GALNT2: variants seen among roughly 807,000 people sequenced by gnomAD.
The protein encoded by GALNT2 is polypeptide N-acetylgalactosaminyltransferase 2.
Under a neutral mutation model 81.4 loss-of-function variants are expected in GALNT2, and 31 were observed. The observed-to-expected ratio is 0.38, with a 90% CI of 0.29 to 0.51. GALNT2 has a LOEUF of 0.51. GALNT2 is among the 20% of genes least tolerant of loss of function. The pLI is 0.87. For synonymous variants in GALNT2, 303 were observed against 287.4 expected (o/e 1.05, Z -0.55); for missense variants, 629 against 765.7 (o/e 0.82, Z 2.11).
intron 3 of GALNT2, among the ~76,000 whole-genome samples, chr1:230,226,633 C>T (rs751528420): frequency 2.8e-4 from 42 of 152,168 alleles, no homozygotes; most frequent in Non-Finnish European, 4.9e-4. Flanking sequence ...CGAACACATG[C>T]GGAGGCAGGT....
At chr1:230,121,969 A>C (rs6676270) in intron 1 of GALNT2, among the ~76,000 whole-genome samples, 3 of 58,456 alleles carry the variant, frequency 5.1e-5, no homozygotes, top group Non-Finnish European at 1.1e-4. Context: ...TTTTTTTTTC[A>C]AGGGACAGGG....
At chr1:230,108,918 T>G (rs1053459268) in intron 1 of GALNT2, among the ~76,000 whole-genome samples, 2 of 145,788 alleles carry the variant, frequency 1.4e-5, no homozygotes, top group Non-Finnish European at 3.0e-5. Context: ...GGCATATTGC[T>G]TTCGCACCAT....
intron 1 of GALNT2, among the ~76,000 whole-genome samples, chr1:230,114,522 G>A (rs745575686): frequency 2.6e-5 from 4 of 152,218 alleles, no homozygotes; most frequent in Non-Finnish European, 5.9e-5. Flanking sequence ...TCAGCGAGAG[G>A]AGGGGCTTGG....
At chr1:230,220,764 C>G (rs1664522588) in intron 3 of GALNT2, among the ~76,000 whole-genome samples, 1 of 152,140 alleles carries the variant, frequency 6.6e-6, no homozygotes. Flanking sequence ...CAGACCCGCC[C>G]TAAGGAAATC....
At position 230,280,220 on chromosome 1, in the gene GALNT2, C is replaced by T; in HGVS notation, c.*762C>T. ...CAGAGGGAGGAGGTGGCCTTTGTCC[C>T]CTGGAGCCCGATCAGCCAGTTGGTG... On this transcript the variant is annotated 3_prime_UTR_variant, in exon 16 of 16. Coordinates refer to ENST00000366672, the MANE Select transcript of GALNT2 (RefSeq NM_004481.5). The T allele has an allele frequency of 5.7e-6, 2 of 348,958 alleles. No individual in the cohort carries two copies. Among genetic ancestry groups the T allele is most frequent in the Non-Finnish European group, 1.1e-5 (2 of 177,052 alleles). The allele number at this position is 348,958 out of a possible 1,614,324, so 21.6% of individuals were successfully genotyped here.
At chr1:230,121,296 G>C (rs976691459) in intron 1 of GALNT2, among the ~76,000 whole-genome samples, 2 of 152,238 alleles carry the variant, frequency 1.3e-5, no homozygotes, top group Non-Finnish European at 2.9e-5. Context: ...CCACACCTGA[G>C]GAGGCGCTGT....
intron 1 of GALNT2, among the ~76,000 whole-genome samples, chr1:230,156,919 A>G (rs1043183064): frequency 1.3e-5 from 2 of 152,246 alleles, no homozygotes; most frequent in Non-Finnish European, 2.9e-5. Flanking sequence ...CTTTGGTTCT[A>G]TCATTAGAGA....
chr1:230,102,116 A>G lies in GALNT2; in HGVS notation c.126+34710A>G, dbSNP rs193034513. Reference sequence around the variant, plus strand: ...CTAATTTTAGGTGCTAGTAAGTTTTAAGGGCATGCAAAGCTCAAAACTTTG... The same window carrying G: ...CTAATTTTAGGTGCTAGTAAGTTTTGAGGGCATGCAAAGCTCAAAACTTTG... On this transcript the variant is annotated intron_variant, in intron 1 of 15. Coordinates refer to ENST00000366672, the MANE Select transcript of GALNT2 (RefSeq NM_004481.5). Among the ~76,000 whole-genome samples, 239 of 152,282 alleles carry G rather than the reference A, an allele frequency of 1.6e-3. 1 individual carries two copies. The highest frequency in any genetic ancestry group is 5.4e-3 in the African/African-American group (225 of 41,584).
intron 1 of GALNT2, among the ~76,000 whole-genome samples, chr1:230,075,378 C>T (rs1659511914): frequency 6.6e-6 from 1 of 152,116 alleles, no homozygotes; most frequent in Non-Finnish European, 1.5e-5. Context: ...ACCTCGGCCT[C>T]CCAAAGTGCT....
intron 1 of GALNT2, among the ~76,000 whole-genome samples, chr1:230,085,502 A>G (rs1294692689): frequency 6.6e-6 from 1 of 152,200 alleles, no homozygotes; most frequent in Non-Finnish European, 1.5e-5. Flanking sequence ...CCACTGGGCC[A>G]TCCCTGTGTA....
intron 1 of GALNT2, among the ~76,000 whole-genome samples, chr1:230,110,264 G>T (rs898195844): frequency 6.6e-6 from 1 of 152,144 alleles, no homozygotes; most frequent in Non-Finnish European, 1.5e-5. Context: ...TTTTTCCTGT[G>T]TGTCAGGGAC....
intron 1 of GALNT2, among the ~76,000 whole-genome samples, chr1:230,078,840 A>G (rs556959538): frequency 6.6e-5 from 10 of 152,278 alleles, no homozygotes; most frequent in Admixed American, 2.0e-4. Context: ...GTCTCACCCT[A>G]TCACCCAGGC....
At chr1:230,173,109 A>G (rs11122458) in intron 1 of GALNT2, among the ~76,000 whole-genome samples, 31,239 of 152,210 alleles carry the variant, frequency 0.21, 3,532 homozygotes, top group South Asian at 0.37. Flanking sequence ...AATAACAATA[A>G]TCACTACCAT....
chr1:230,249,332 T>G, intron 9 of GALNT2, 61 bp downstream of exon 9: 2 of 1,487,048 alleles, frequency 1.3e-6, no homozygotes, highest in Admixed American at 3.5e-5. Flanking sequence ...CCAGCTTCTT[T>G]GCTGGGCCCG....
rs544897087 is a variant in GALNT2 at position 230,153,745 on chromosome 1, T to G, written c.127-24473T>G. On this transcript the variant is annotated intron_variant, in intron 1 of 15. Transcript: ENST00000366672. ...GCTCAGTCTGTCTGGCCGAGGCCAC[T>G]CCGCTCTTGGAGATGGATTACAGCC... 1.4e-4 allele frequency among the ~76,000 whole-genome samples: 22 copies of G among 152,350 alleles called. No individual in the cohort carries two copies. In the South Asian group the frequency reaches 4.3e-3, roughly 30 times the overall value.
intron 14 of GALNT2, among the ~76,000 whole-genome samples, chr1:230,272,092 C>T (rs1008597352): frequency 6.6e-6 from 1 of 152,168 alleles, no homozygotes; most frequent in African/African-American, 2.4e-5. Flanking sequence ...CCTAAAACCC[C>T]TGTGGCTCAG....
intron 13 of GALNT2, chr1:230,264,702 AAAGT>A (rs59235821): frequency 0.15 from 22,214 of 153,144 alleles, 1,769 homozygotes; most frequent in African/African-American, 0.21. Context: ...AGCTTCAGAG[AAAGT>A]GAGTCTTGCC....
chr1:230,157,429 C>T (rs1259776983), intron 1 of GALNT2, among the ~76,000 whole-genome samples: 1 of 152,184 alleles, frequency 6.6e-6, no homozygotes, highest in Non-Finnish European at 1.5e-5. Flanking sequence ...AATAGTTGAG[C>T]AGTTTCTTAT....
intron 3 of GALNT2, among the ~76,000 whole-genome samples, chr1:230,208,678 C>G (rs1157414626): frequency 2.6e-5 from 4 of 152,218 alleles, no homozygotes; most frequent in African/African-American, 9.7e-5. Context: ...ACGGCTGACA[C>G]TTGAGGACAG....
Sources: allele counts gnomAD v4.1 joint callset (sites outside exome capture counted in the v4.1 genomes callset), GRCh38; gene constraint gnomAD v4.1.1; transcripts MANE v1.5; gene names NCBI Gene and HGNC (gene_info 2026-07-23, HGNC 2026-07-21).